Variants in SEC24A observed in about 807,000 individuals in gnomAD.
SEC24A encodes protein transport protein Sec24A.
SEC24A carries 93 observed loss-of-function variants against 129.4 expected under a neutral mutation model. That is an observed-to-expected ratio of 0.72 (90% CI 0.61 to 0.85). The LOEUF is 0.85. Among genes scored for constraint, SEC24A ranks in the 40% least tolerant of loss-of-function variants. The pLI, the probability that SEC24A is intolerant of heterozygous loss-of-function variation, is 0.00. For missense variants in SEC24A, 1,264 were observed against 1,307.4 expected (o/e 0.97, Z 0.51); for synonymous variants, 460 against 467.3 (o/e 0.98, Z 0.20).
chr5:134,692,022 G>A (rs987858905), intron 11 of SEC24A, among the ~76,000 whole-genome samples: 6 of 147,954 alleles, frequency 4.1e-5, no homozygotes, highest in Non-Finnish European at 7.4e-5. Context: ...CACAAATTCA[G>A]TGAGTACAGA....
chr5:134,670,770 A>C (rs973595267), intron 3 of SEC24A, among the ~76,000 whole-genome samples: 1 of 152,122 alleles, frequency 6.6e-6, no homozygotes, highest in Non-Finnish European at 1.5e-5. Context: ...CACGCGGATC[A>C]CGAGGCCAGG....
intron 1 of SEC24A, among the ~76,000 whole-genome samples, chr5:134,654,080 G>A (rs1750155341): frequency 6.6e-6 from 1 of 151,758 alleles, no homozygotes; most frequent in South Asian, 2.1e-4. Context: ...GATCACCTGT[G>A]TCCAGGAGGT....
chr5:134,682,351 G>GTGTATTGTTA (rs746231932), intron 8 of SEC24A, 22 bp from the exon 9 acceptor site: 1 of 1,240,874 alleles, frequency 8.1e-7, no homozygotes, highest in Non-Finnish European at 1.2e-6. Context: ...TTTTCAATAT[G>GTGTATTGTTA]TGTATTGTTA....
chr5:134,711,102 C>T lies in SEC24A; in HGVS notation c.2727+2214C>T, dbSNP rs563195603. Among the ~76,000 whole-genome samples, 195 of 152,156 alleles carry T rather than the reference C, an allele frequency of 1.3e-3. 1 individual carries two copies. Among genetic ancestry groups the T allele is most frequent in the African/African-American group, 4.5e-3 (185 of 41,502 alleles). The stretch of plus-strand genomic sequence containing the variant: ...AGTGAGCTGAGATTGCACCACTGCC[C>T]TCCAGCCTGGGTGACAAAGCGAGAC... On this transcript the variant is annotated intron_variant, in intron 18 of 22. Transcript: ENST00000398844.
chr5:134,687,456 A>G (rs886900068), intron 10 of SEC24A, among the ~76,000 whole-genome samples: 10 of 152,184 alleles, frequency 6.6e-5, no homozygotes, highest in African/African-American at 2.4e-4. Context: ...TAAAATAACT[A>G]TTTCCAGTGG....
At position 134,723,665 on chromosome 5, in the gene SEC24A, A is replaced by T. The variant is rs1350803227; in HGVS notation, c.3162A>T (p.Val1054=). Residue 1054 remains valine (V), a synonymous_variant, in exon 22 of 23, where the codon GTA becomes GTT. Coordinates refer to ENST00000398844, the MANE Select transcript of SEC24A (RefSeq NM_021982.3). Reference sequence around the variant, plus strand: ...GACCATTTTTCCCAATACTTTATGTAATAAGGTAAGTTGAATTTTCCATTT... The same window carrying T: ...GACCATTTTTCCCAATACTTTATGTTATAAGGTAAGTTGAATTTTCCATTT... ...EQRPFFPILY[V]IRDESPMKAN... is the part of the protein sequence containing the mutation. 2 of 1,576,420 alleles carry T rather than the reference A, an allele frequency of 1.3e-6. No homozygotes were observed. Among genetic ancestry groups the T allele is most frequent in the African/African-American group, 1.3e-5 (1 of 74,166 alleles).
intron 1 of SEC24A, among the ~76,000 whole-genome samples, chr5:134,652,528 C>T (rs141442383): frequency 0.012 from 1,890 of 152,124 alleles, 25 homozygotes; most frequent in African/African-American, 0.042. Flanking sequence ...TCAGGTGATC[C>T]GCCCACCTCG....
Position 134,674,604 on chromosome 5 carries a change from CT to C in SEC24A, c.818-9del. 6.2e-7 allele frequency: 1 copy of C among 1,605,740 alleles called. No individual in the cohort carries two copies. The highest frequency in any genetic ancestry group is 8.5e-7 in the Non-Finnish European group (1 of 1,176,138). On this transcript the variant is annotated splice_polypyrimidine_tract_variant and intron_variant, in intron 4 of 22. Transcript: ENST00000398844. Reference sequence around the variant, plus strand: ...GTATAAAATAGAACTTAAAAGTTACCTTGTTTCTAGCAACACCACAGCTTAC... The same window carrying C: ...GTATAAAATAGAACTTAAAAGTTACCTGTTTCTAGCAACACCACAGCTTAC...
At chr5:134,691,465 C>T (rs1201165297) in intron 11 of SEC24A, among the ~76,000 whole-genome samples, 1 of 151,464 alleles carries the variant, frequency 6.6e-6, no homozygotes, top group East Asian at 1.9e-4. Context: ...CCGCACCCAG[C>T]CCATAGTCCC....
intron 9 of SEC24A, 127 bp downstream of exon 9, chr5:134,682,609 C>A: frequency 1.9e-6 from 1 of 515,952 alleles, no homozygotes; most frequent in Non-Finnish European, 3.5e-6. Context: ...TCTCATTGCC[C>A]ATGCTGGAGT....
Position 134,676,061 on chromosome 5 carries a change from A to C in SEC24A, c.1190A>C (p.Gln397Pro). The C allele has an allele frequency of 6.2e-7, 1 of 1,613,308 alleles. No homozygotes were observed. The highest frequency in any genetic ancestry group is 8.5e-7 in the Non-Finnish European group (1 of 1,179,612). The stretch of plus-strand genomic sequence containing the variant: ...ACGCTGACTAGCATTCCTCAGACGC[A>C]GGCCTTATTGAATAAAGCCAAACTT... ...RCTLTSIPQT[Q>P]ALLNKAKLPL... Residue 397 changes from glutamine (Q) to proline (P), a missense_variant, in exon 7 of 23, where the codon CAG (glutamine) becomes CCG (proline). Gln to Pro is a moderately conservative substitution (Grantham distance 76). Coordinates refer to ENST00000398844, the MANE Select transcript of SEC24A (RefSeq NM_021982.3).
At chr5:134,688,092 G>A in intron 10 of SEC24A, 89 bp from the exon 11 acceptor site, 1 of 798,278 alleles carries the variant, frequency 1.3e-6, no homozygotes, top group South Asian at 1.5e-5. Flanking sequence ...TATTGAATTA[G>A]ATATTTTCAT....
intron 19 of SEC24A, among the ~76,000 whole-genome samples, chr5:134,717,776 G>T (rs1465022310): frequency 6.8e-6 from 1 of 147,406 alleles, no homozygotes; most frequent in Non-Finnish European, 1.5e-5. Context: ...TTAGCTGGGT[G>T]TTGTGGTGCA....
chr5:134,719,590 ATGTG>A (rs1752574721), intron 20 of SEC24A, among the ~76,000 whole-genome samples: 1 of 151,916 alleles, frequency 6.6e-6, no homozygotes, highest in Non-Finnish European at 1.5e-5. Context: ...TGGGAGGCTG[ATGTG>A]GGAAGATCAC....
chr5:134,659,949 A>G (rs1467988878), intron 1 of SEC24A, among the ~76,000 whole-genome samples: 1 of 152,090 alleles, frequency 6.6e-6, no homozygotes, highest in Non-Finnish European at 1.5e-5. Context: ...CACCATGCCC[A>G]GCATGTTTTC....
In SEC24A at chr5:134,727,538, A is replaced by G. The variant is rs555840826; in HGVS notation, c.*2444A>G. The G allele has an allele frequency of 2.0e-5, 3 of 152,676 alleles. No homozygotes were observed. The highest frequency in any genetic ancestry group is 7.2e-5 in the African/African-American group (3 of 41,566). The allele number at this position is 152,676 out of a possible 1,614,324, so 9.5% of individuals were successfully genotyped here. On this transcript the variant is annotated 3_prime_UTR_variant, in exon 23 of 23. Transcript: ENST00000398844. ...TTTGCAATAATTAGAATAAAGATTT[A>G]TTTCTTCTAATCAAAGATGCATAAC...
At chr5:134,648,384 C>T (rs1749927808), upstream of SEC24A, 1 of 152,294 alleles carries the variant, frequency 6.6e-6, no homozygotes, top group South Asian at 2.1e-4. Flanking sequence ...ACCGCCCCAG[C>T]TCCCAGTGGT....
intron 17 of SEC24A, 141 bp downstream of exon 17, chr5:134,705,578 A>AT: frequency 1.8e-6 from 1 of 544,024 alleles, no homozygotes; most frequent in Non-Finnish European, 3.3e-6. Context: ...ACTATTTGAA[A>AT]AGATCTGCTG....
At chr5:134,713,912 C>G (rs1162718599) in intron 18 of SEC24A, among the ~76,000 whole-genome samples, 1 of 151,010 alleles carries the variant, frequency 6.6e-6, no homozygotes, top group Non-Finnish European at 1.5e-5. Flanking sequence ...TGTGGTGTCG[C>G]GCACCTGTAA....
Sources: allele counts gnomAD v4.1 joint callset (sites outside exome capture counted in the v4.1 genomes callset), GRCh38; gene constraint gnomAD v4.1.1; transcripts MANE v1.5; gene names NCBI Gene and HGNC (gene_info 2026-07-23, HGNC 2026-07-21).